Variants in ATF2 observed in about 807,000 individuals in gnomAD.
ATF2 encodes the protein activating transcription factor 2.
In ATF2, 24 loss-of-function variants were observed where a neutral mutation model predicts 60.6. That is an observed-to-expected ratio of 0.40 (90% CI 0.29 to 0.56). The LOEUF (loss-of-function observed/expected upper bound fraction) is 0.56, where lower values mean the gene tolerates loss of function less well. ATF2 is among the 20% of genes least tolerant of loss of function. ATF2 has a pLI of 0.54. For missense variants in ATF2, 433 were observed against 607.7 expected (o/e 0.71, Z 3.02); for synonymous variants, 206 against 215.4 (o/e 0.96, Z 0.38).
intron 4 of ATF2, among the ~76,000 whole-genome samples, chr2:175,128,217 C>A (rs1389855378): frequency 6.6e-6 from 1 of 152,166 alleles, no homozygotes; most frequent in Non-Finnish European, 1.5e-5. Context: ...TTAGCTTCAA[C>A]TGGCTGGGCG....
chr2:175,167,700 T>A (rs549491398), intron 1 of ATF2: 2 of 500,390 alleles, frequency 4.0e-6, no homozygotes, highest in Non-Finnish European at 8.2e-6. Context: ...ACCTCTGAAC[T>A]GACCCAAGTA....
intron 12 of ATF2, among the ~76,000 whole-genome samples, chr2:175,091,389 A>C (rs1326469273): frequency 6.6e-6 from 1 of 152,208 alleles, no homozygotes. Flanking sequence ...AAATACACAT[A>C]CCTAAATCAC....
chr2:175,084,282 G>A (rs1385716877), intron 12 of ATF2, among the ~76,000 whole-genome samples: 1 of 151,910 alleles, frequency 6.6e-6, no homozygotes, highest in Non-Finnish European at 1.5e-5. Context: ...AGAAAATGTG[G>A]CACATATACA....
rs1693009415 is a variant in ATF2, at chr2:175,072,584, T to A, written c.*2025A>T. ...AAAGAACCTTAACTTGCATAAGTAATAAGATGAAAGAAAAATGTACTGAAG... is the reference window on the plus strand; with the variant it reads ...AAAGAACCTTAACTTGCATAAGTAAAAAGATGAAAGAAAAATGTACTGAAG... On this transcript the variant is annotated 3_prime_UTR_variant, in exon 14 of 14. Transcript: ENST00000264110. 6.6e-6 allele frequency: 1 copy of A among 152,070 alleles called. No individual in the cohort carries two copies. Among genetic ancestry groups the A allele is most frequent in the Admixed American group, 6.6e-5 (1 of 15,252 alleles). 9.4% of individuals were successfully genotyped at this position (152,070 alleles called of 1,614,324 possible). A position where few individuals can be genotyped will look rare whatever the true frequency, so the allele number is the denominator to read the frequency against.
At chr2:175,111,770 A>C in intron 9 of ATF2, 116 bp from the exon 10 acceptor site, 2 of 855,418 alleles carry the variant, frequency 2.3e-6, no homozygotes, top group South Asian at 1.9e-5. Flanking sequence ...TAAATTTATC[A>C]CCAGCTGATT....
At chr2:175,141,315 T>A (rs1698519465) in intron 2 of ATF2, among the ~76,000 whole-genome samples, 1 of 151,680 alleles carries the variant, frequency 6.6e-6, no homozygotes, top group African/African-American at 2.4e-5. Flanking sequence ...CTCAGCATAA[T>A]TTCCAGGTTT....
intron 2 of ATF2, among the ~76,000 whole-genome samples, chr2:175,137,020 A>G (rs995120506): frequency 6.6e-6 from 1 of 152,170 alleles, no homozygotes; most frequent in Non-Finnish European, 1.5e-5. Context: ...AACTCCACCA[A>G]TGGCTTCACC....
rs577826247 is a variant in ATF2 at position 175,087,237 on chromosome 2, A to G, written c.1185+5824T>C. Among the ~76,000 whole-genome samples the G allele has an allele frequency of 1.5e-4, 23 of 152,312 alleles. 1 individual carries two copies. In the South Asian group the frequency reaches 4.8e-3, roughly 32 times the overall value. On this transcript the variant is annotated intron_variant, in intron 12 of 13. Transcript: ENST00000264110. ...GGTCATTCTGAAGATGAAGTAAAAT[A>G]AGGGATATAAAAGCATTTTGAAAAT...
chr2:175,103,675 C>T (rs1695455878), intron 10 of ATF2, among the ~76,000 whole-genome samples: 1 of 132,100 alleles, frequency 7.6e-6, no homozygotes, highest in Non-Finnish European at 1.6e-5. Flanking sequence ...TGTCACACAT[C>T]TTAAAAAAAA....
intron 5 of ATF2, 116 bp downstream of exon 5, chr2:175,121,328 C>T: frequency 1.9e-6 from 1 of 529,386 alleles, no homozygotes; most frequent in Non-Finnish European, 3.1e-6. Context: ...CCAACATTTA[C>T]TATAATGAAG....
intron 10 of ATF2, among the ~76,000 whole-genome samples, chr2:175,107,980 A>G (rs1167214974): frequency 2.0e-5 from 3 of 152,036 alleles, no homozygotes; most frequent in Admixed American, 6.5e-5. Context: ...CCCTCTGCCC[A>G]GCCGCCACCC....
intron 10 of ATF2, 39 bp from the exon 11 acceptor site, chr2:175,097,632 T>G: frequency 1.9e-6 from 3 of 1,605,666 alleles, no homozygotes; most frequent in Non-Finnish European, 2.6e-6. Flanking sequence ...TTTTAAGTCC[T>G]TAAAGATCAT....
intron 4 of ATF2, among the ~76,000 whole-genome samples, chr2:175,122,046 G>T (rs1396366746): frequency 6.6e-6 from 1 of 151,808 alleles, no homozygotes; most frequent in Non-Finnish European, 1.5e-5. Flanking sequence ...ACATAAAAAA[G>T]AATGCCTTTG....
chr2:175,108,354 G>A lies in ATF2; in HGVS notation c.828+3214C>T, dbSNP rs368142792. 9.6e-4 allele frequency among the ~76,000 whole-genome samples: 142 copies of A among 147,444 alleles called. 1 individual carries two copies. In the South Asian group the frequency reaches 0.011, roughly 12 times the overall value. ...CAACCCCCGCCCGGCCAGCCGCCTC[G>A]TCCGGGAGGGAGGTGGGGGGTCAGC... On this transcript the variant is annotated intron_variant, in intron 10 of 13. Coordinates refer to ENST00000264110, the MANE Select transcript of ATF2 (RefSeq NM_001880.4).
chr2:175,114,040 G>C lies in ATF2; in HGVS notation c.695C>G (p.Pro232Arg), dbSNP rs376924681. Residue 232 changes from proline (P) to arginine (R), a missense_variant, in exon 9 of 14, where the codon CCT becomes CGT. By Grantham distance (103) the Pro-to-Arg change is moderately radical. Around this residue, in one of 5 missense-constraint regions of ATF2, gnomAD observed 246 missense variants for 309.3 expected, o/e 0.80. Transcript: ENST00000264110. The stretch of plus-strand genomic sequence containing the variant: ...CACATTAGAACTTGTAATTGATGCA[G>C]GAATAGCAACAGGCATGGTTTGTCC... ...PNGQTMPVAIPASITSSNVHV... is the reference protein window; with the variant it reads ...PNGQTMPVAIRASITSSNVHV... The C allele has an allele frequency of 9.3e-6, 15 of 1,612,762 alleles. No homozygotes were observed. The highest frequency in any genetic ancestry group is 1.3e-5 in the African/African-American group (1 of 74,746).
chr2:175,082,501 TG>T (rs1382285720), intron 12 of ATF2, among the ~76,000 whole-genome samples: 1 of 152,204 alleles, frequency 6.6e-6, no homozygotes, highest in Non-Finnish European at 1.5e-5. Flanking sequence ...TTACCCATCC[TG>T]TCAGCTTGAT....
intron 2 of ATF2, among the ~76,000 whole-genome samples, chr2:175,140,670 A>G (rs1210071948): frequency 2.0e-5 from 3 of 148,408 alleles, no homozygotes; most frequent in Non-Finnish European, 4.4e-5. Flanking sequence ...TGTTTTTAAA[A>G]GGATACCTTG....
At chr2:175,135,366 A>G (rs187187147) in intron 3 of ATF2, among the ~76,000 whole-genome samples, 2 of 152,304 alleles carry the variant, frequency 1.3e-5, no homozygotes, top group Admixed American at 1.3e-4. Flanking sequence ...CCTAGCTCCA[A>G]CTACAAGGAA....
At chr2:175,100,349 C>T (rs984795701) in intron 10 of ATF2, among the ~76,000 whole-genome samples, 13 of 152,132 alleles carry the variant, frequency 8.5e-5, no homozygotes, top group African/African-American at 2.2e-4. Flanking sequence ...TTTCTTAGCA[C>T]GGAGGTCCAA....
Sources: gnomAD v4.1 joint callset for allele counts (sites outside exome capture counted in the v4.1 genomes callset) on GRCh38, gnomAD v4.1.1 for gene constraint, gnomAD v4.1.1 regional missense constraint, MANE v1.5 for transcripts, NCBI Gene and HGNC (gene_info 2026-07-23, HGNC 2026-07-21) for gene names.